Variants in SEC61G observed in about 807,000 individuals in gnomAD.
SEC61G encodes the protein protein transport protein Sec61 subunit gamma.
Under a neutral mutation model 7.5 loss-of-function variants are expected in SEC61G, and 4 were observed. The ratio of observed to expected loss-of-function variants is 0.54; its 90% CI spans 0.26 to 1.22. SEC61G has a LOEUF of 1.22. Among genes scored for constraint, SEC61G ranks in the 50% most tolerant of loss-of-function variants. The pLI, the probability that SEC61G is intolerant of heterozygous loss-of-function variation, is 0.12. For missense variants in SEC61G, 53 were observed against 84.6 expected (o/e 0.63, Z 1.46); for synonymous variants, 24 against 24.4 (o/e 0.98, Z 0.05).
chr7:54,752,386 T>A lies in SEC61G; in HGVS notation c.*25A>T, dbSNP rs1191546141. 5.2e-6 allele frequency: 8 copies of A among 1,526,046 alleles called. No individual in the cohort carries two copies. Among genetic ancestry groups the A allele is most frequent in the Non-Finnish European group, 7.1e-6 (8 of 1,121,644 alleles). The allele number at this position is 1,526,046 out of a possible 1,614,324, so 94.5% of individuals were successfully genotyped here. A position where few individuals can be genotyped will look rare whatever the true frequency, so the allele number is the denominator to read the frequency against. Reference sequence around the variant, plus strand: ...CACACTTGTTCACCAATCTCTAAGATGAAAAACTCTCTTCCAAAATGTATT... The same window carrying A: ...CACACTTGTTCACCAATCTCTAAGAAGAAAAACTCTCTTCCAAAATGTATT... On this transcript the variant is annotated 3_prime_UTR_variant, in exon 4 of 4. Transcript: ENST00000352861.
At chr7:54,753,705 T>G (rs1160371685) in intron 3 of SEC61G, among the ~76,000 whole-genome samples, 1 of 152,204 alleles carries the variant, frequency 6.6e-6, no homozygotes, top group Non-Finnish European at 1.5e-5. Flanking sequence ...GATAGATTTT[T>G]TAACTTCTTA....
intron 3 of SEC61G, among the ~76,000 whole-genome samples, chr7:54,753,457 G>GA (rs1394132904): frequency 6.6e-6 from 1 of 151,292 alleles, no homozygotes; most frequent in Non-Finnish European, 1.5e-5. Flanking sequence ...GCTATACTTA[G>GA]AAAAAAAAGA....
intron 3 of SEC61G, among the ~76,000 whole-genome samples, chr7:54,753,312 T>C (rs1233654544): frequency 6.6e-6 from 1 of 152,026 alleles, no homozygotes; most frequent in Non-Finnish European, 1.5e-5. Flanking sequence ...AGAAAATTAT[T>C]ATATAAAATA....
At position 54,755,888 on chromosome 7, in the gene SEC61G, T is replaced by C; in HGVS notation, c.95-7A>G. The stretch of plus-strand genomic sequence containing the variant: ...ATGGCAATCTTCTGGAATTCTGCAT[T>C]TAAAAACAGGAAATTCACATATTTT... On this transcript the variant is annotated splice_region_variant and splice_polypyrimidine_tract_variant and intron_variant, in intron 2 of 3. Transcript: ENST00000352861. 1 of 1,551,498 alleles carries C rather than the reference T, an allele frequency of 6.4e-7. No homozygotes were observed. The highest frequency in any genetic ancestry group is 8.8e-7 in the Non-Finnish European group (1 of 1,140,326).
rs961180400 is a variant in SEC61G at position 54,752,300 on chromosome 7, GA to G, written c.*110del. 0.027 allele frequency: 12,190 copies of G among 456,058 alleles called. No individual in the cohort carries two copies. The highest frequency in any genetic ancestry group is 0.041 in the South Asian group (972 of 23,586). The allele number at this position is 456,058 out of a possible 1,614,324, so 28.3% of individuals were successfully genotyped here. A position where few individuals can be genotyped will look rare whatever the true frequency, so the allele number is the denominator to read the frequency against. ...TTAGAAATAGAAAACATCTTGAAAG[GA>G]AAAAAAAAAACCCACAAAACATACA... On this transcript the variant is annotated 3_prime_UTR_variant, in exon 4 of 4. Transcript: ENST00000352861.
At chr7:54,753,476 AT>A (rs1467869585) in intron 3 of SEC61G, among the ~76,000 whole-genome samples, 1 of 152,180 alleles carries the variant, frequency 6.6e-6, no homozygotes, top group African/African-American at 2.4e-5. Context: ...GAAGAAAAAA[AT>A]CTTAAGAAAA....
At chr7:54,759,025 G>A (rs1487250128) in intron 1 of SEC61G, 133 bp downstream of exon 1, 7 of 377,220 alleles carry the variant, frequency 1.9e-5, no homozygotes, top group African/African-American at 1.1e-4. Flanking sequence ...CCCTGAGCCA[G>A]GGGACCACTT....
chr7:54,755,755 G>T, intron 3 of SEC61G, 24 bp downstream of exon 3: 1 of 1,295,658 alleles, frequency 7.7e-7, no homozygotes, highest in East Asian at 2.4e-5. Flanking sequence ...TTCAATCCTA[G>T]TCTATTTCAT....
rs765944027 is a variant in SEC61G, at chr7:54,757,476, C to T, written c.94+19G>A. The T allele has an allele frequency of 3.8e-6, 6 of 1,595,844 alleles. No individual in the cohort carries two copies. The African/African-American group carries it at 5.4e-5, about 14-fold the overall frequency. On this transcript the variant is annotated intron_variant, in intron 2 of 3. Coordinates refer to ENST00000352861, the MANE Select transcript of SEC61G (RefSeq NM_014302.4). Reference sequence around the variant, plus strand: ...AAAATGCAAAGATTTAATTTTTTCTCTCATAGTCAAGCAATTACCTTTTCT... The same window carrying T: ...AAAATGCAAAGATTTAATTTTTTCTTTCATAGTCAAGCAATTACCTTTTCT...
chr7:54,753,150 A>G (rs1791445796), intron 3 of SEC61G, among the ~76,000 whole-genome samples: 1 of 151,978 alleles, frequency 6.6e-6, no homozygotes, highest in African/African-American at 2.4e-5. Context: ...AAAATTAGCC[A>G]GGCATGGTGG....
intron 1 of SEC61G, 24 bp from the exon 2 acceptor site, chr7:54,757,618 C>A: frequency 6.3e-7 from 1 of 1,584,064 alleles, no homozygotes; most frequent in South Asian, 1.1e-5. Flanking sequence ...AAAAGATACT[C>A]ACTGGTATTG....
At chr7:54,752,904 T>G (rs1271640193) in intron 3 of SEC61G, among the ~76,000 whole-genome samples, 1 of 152,206 alleles carries the variant, frequency 6.6e-6, no homozygotes, top group Admixed American at 6.5e-5. Context: ...CAGAAGAACT[T>G]CTGAGTTTTA....
intron 1 of SEC61G, 48 bp from the exon 2 acceptor site, chr7:54,757,642 A>G: frequency 6.9e-7 from 1 of 1,452,866 alleles, no homozygotes; most frequent in Non-Finnish European, 9.7e-7. Context: ...CTCATACAAT[A>G]AGCACTTGCT....
Position 54,752,300 on chromosome 7 carries a change from GAAA to G in SEC61G, c.*108_*110del. On this transcript the variant is annotated 3_prime_UTR_variant, in exon 4 of 4. Coordinates refer to ENST00000352861, the MANE Select transcript of SEC61G (RefSeq NM_014302.4). ...TTAGAAATAGAAAACATCTTGAAAGGAAAAAAAAAAACCCACAAAACATACAGG... is the reference window on the plus strand; with the variant it reads ...TTAGAAATAGAAAACATCTTGAAAGGAAAAAAAACCCACAAAACATACAGG... 2.0e-6 allele frequency: 1 copy of G among 491,568 alleles called. No individual in the cohort carries two copies. Among genetic ancestry groups the G allele is most frequent in the Non-Finnish European group, 3.5e-6 (1 of 288,792 alleles). 30.5% of individuals were successfully genotyped at this position (491,568 alleles called of 1,614,324 possible). A position where few individuals can be genotyped will look rare whatever the true frequency, so the allele number is the denominator to read the frequency against.
chr7:54,752,691 T>A (rs1037163195), intron 3 of SEC61G, among the ~76,000 whole-genome samples: 1 of 152,194 alleles, frequency 6.6e-6, no homozygotes, highest in African/African-American at 2.4e-5. Flanking sequence ...GCATAACGCC[T>A]TTCTGAACAC....
intron 3 of SEC61G, chr7:54,754,868 A>G (rs1283107289): frequency 6.6e-6 from 1 of 152,158 alleles, no homozygotes; most frequent in Non-Finnish European, 1.5e-5. Flanking sequence ...ACTTAATTCA[A>G]CTAACACTTA....
chr7:54,757,990 G>A (rs529668241), intron 1 of SEC61G, among the ~76,000 whole-genome samples: 1 of 152,234 alleles, frequency 6.6e-6, no homozygotes, highest in South Asian at 2.1e-4. Context: ...AACCATCAGT[G>A]TTGAGATCCA....
intron 2 of SEC61G, among the ~76,000 whole-genome samples, chr7:54,757,093 A>G (rs1411386296): frequency 6.6e-6 from 1 of 151,376 alleles, no homozygotes; most frequent in African/African-American, 2.4e-5. Context: ...TAACACATGA[A>G]TCATGATAAA....
At chr7:54,752,500 A>G (rs978881458) in intron 3 of SEC61G, 80 bp from the exon 4 acceptor site, 5 of 901,388 alleles carry the variant, frequency 5.5e-6, no homozygotes, top group Admixed American at 5.5e-5. Context: ...GCAATATGCT[A>G]TAACTTTAAC....
Sources: allele counts gnomAD v4.1 joint callset (sites outside exome capture counted in the v4.1 genomes callset), GRCh38; gene constraint gnomAD v4.1.1; transcripts MANE v1.5; gene names NCBI Gene and HGNC (gene_info 2026-07-23, HGNC 2026-07-21).